The following PDGFC variants were observed in gnomAD, a reference collection of about 807,000 sequenced individuals.
PDGFC encodes platelet derived growth factor C.
Under a neutral mutation model 35.5 loss-of-function variants are expected in PDGFC, and 12 were observed. The observed-to-expected ratio is 0.34, with a 90% confidence interval of 0.22 to 0.55. The LOEUF is 0.55. PDGFC is among the 20% of genes least tolerant of loss of function. The pLI, the probability that PDGFC is intolerant of heterozygous loss-of-function variation, is 0.91. For missense variants in PDGFC, 322 were observed against 412.4 expected (o/e 0.78, Z 1.90); for synonymous variants, 159 against 148.8 (o/e 1.07, Z -0.50).
chr4:156,916,995 G>C (rs1382248663), intron 1 of PDGFC, among the ~76,000 whole-genome samples: 1 of 152,102 alleles, frequency 6.6e-6, no homozygotes, highest in Non-Finnish European at 1.5e-5. Flanking sequence ...GCTGCCCTTA[G>C]CTCAATATCC....
At chr4:156,783,693 T>C in intron 3 of PDGFC, among the ~76,000 whole-genome samples, 1 of 152,176 alleles carries the variant, frequency 6.6e-6, no homozygotes, top group East Asian at 1.9e-4. Context: ...TCCCTCCTAC[T>C]TGCCTCGAAG....
chr4:156,833,060 G>C (rs1169177099), intron 2 of PDGFC, among the ~76,000 whole-genome samples: 1 of 152,172 alleles, frequency 6.6e-6, no homozygotes, highest in African/African-American at 2.4e-5. Flanking sequence ...CATTCAAGTG[G>C]TGAATTTCTG....
intron 1 of PDGFC, among the ~76,000 whole-genome samples, chr4:156,877,584 C>G (rs1301361318): frequency 6.6e-6 from 1 of 151,998 alleles, no homozygotes; most frequent in Non-Finnish European, 1.5e-5. Flanking sequence ...ATATTATATG[C>G]AAAGGATTAT....
At chr4:156,792,268 T>A (rs1360735723) in intron 3 of PDGFC, among the ~76,000 whole-genome samples, 1 of 152,164 alleles carries the variant, frequency 6.6e-6, no homozygotes, top group African/African-American at 2.4e-5. Context: ...AAAATACAGG[T>A]TCCACTGGAG....
chr4:156,823,031 G>A (rs910217119), intron 2 of PDGFC, among the ~76,000 whole-genome samples: 1 of 151,996 alleles, frequency 6.6e-6, no homozygotes, highest in Non-Finnish European at 1.5e-5. Context: ...ACAGCACCCA[G>A]CCCAGAGCTC....
At chr4:156,830,964 AT>A (rs1728917989) in intron 2 of PDGFC, among the ~76,000 whole-genome samples, 1 of 152,112 alleles carries the variant, frequency 6.6e-6, no homozygotes, top group Non-Finnish European at 1.5e-5. Context: ...ACCCATGACT[AT>A]TTAGAATTAT....
intron 1 of PDGFC, among the ~76,000 whole-genome samples, chr4:156,940,775 C>G (rs933105454): frequency 6.6e-6 from 1 of 152,036 alleles, no homozygotes; most frequent in East Asian, 1.9e-4. Flanking sequence ...CTGGGGCTAC[C>G]TACTGTGTGA....
intron 4 of PDGFC, among the ~76,000 whole-genome samples, chr4:156,768,842 C>T (rs1560803380): frequency 2.6e-5 from 4 of 151,920 alleles, no homozygotes. Flanking sequence ...GCAGTAAATC[C>T]TCAAAGAACC....
intron 1 of PDGFC, among the ~76,000 whole-genome samples, chr4:156,946,365 C>A (rs1049247484): frequency 1.3e-5 from 2 of 151,878 alleles, no homozygotes; most frequent in African/African-American, 4.8e-5. Flanking sequence ...AAGCAACCAA[C>A]CCACTTTAAC....
At chr4:156,848,619 T>C (rs1729382023) in intron 2 of PDGFC, among the ~76,000 whole-genome samples, 1 of 152,040 alleles carries the variant, frequency 6.6e-6, no homozygotes, top group Non-Finnish European at 1.5e-5. Flanking sequence ...GAAACATATG[T>C]TAAATCATAA....
intron 1 of PDGFC, among the ~76,000 whole-genome samples, chr4:156,922,196 CTGTG>C (rs146040700): frequency 7.7e-6 from 1 of 130,458 alleles, no homozygotes; most frequent in Non-Finnish European, 1.7e-5. Flanking sequence ...GTGTGTGCAT[CTGTG>C]TGTGTGTGTA....
intron 2 of PDGFC, among the ~76,000 whole-genome samples, chr4:156,838,621 CAA>C (rs1231510638): frequency 1.3e-5 from 2 of 152,120 alleles, no homozygotes; most frequent in Admixed American, 1.3e-4. Context: ...AGAAAAATAC[CAA>C]AAGAGATTTG....
intron 3 of PDGFC, among the ~76,000 whole-genome samples, chr4:156,803,205 AGAG>A (rs1731664700): frequency 6.6e-6 from 1 of 152,148 alleles, no homozygotes; most frequent in African/African-American, 2.4e-5. Context: ...GAGTGTACTG[AGAG>A]GAGATTTACA....
chr4:156,882,574 C>A (rs1308683842), intron 1 of PDGFC, among the ~76,000 whole-genome samples: 1 of 152,134 alleles, frequency 6.6e-6, no homozygotes, highest in African/African-American at 2.4e-5. Context: ...ACATGTATCA[C>A]CCATAACACT....
At position 156,772,790 on chromosome 4, in the gene PDGFC, A is replaced by C; in HGVS notation, c.599T>G (p.Ile200Ser). 1.2e-6 allele frequency: 2 copies of C among 1,613,056 alleles called. No homozygotes were observed. Among genetic ancestry groups the C allele is most frequent in the Non-Finnish European group, 1.7e-6 (2 of 1,179,116 alleles). ...CCATCTCTCTGGTTCAAGATATCGA[A>C]TAAGGTCTTCCAAGGTACTAAAGGC... ...ITAFSTLEDL[I>S]RYLEPERWQL... Residue 200 changes from isoleucine to serine, a missense_variant, in exon 4 of 6, where the codon ATT becomes AGT. Coordinates refer to ENST00000502773, the MANE Select transcript of PDGFC (RefSeq NM_016205.3).
intron 1 of PDGFC, chr4:156,967,516 GA>G (rs1352091979): frequency 6.6e-6 from 1 of 152,106 alleles, no homozygotes; most frequent in African/African-American, 2.4e-5. Flanking sequence ...TAAAGAAAAT[GA>G]GAAAAAAATG....
chr4:156,858,774 C>A (rs1298375382), intron 1 of PDGFC, among the ~76,000 whole-genome samples: 1 of 152,080 alleles, frequency 6.6e-6, no homozygotes, highest in Non-Finnish European at 1.5e-5. Flanking sequence ...TGGTTAACCA[C>A]AAATTCACAT....
At chr4:156,816,337 T>G (rs1442423878) in intron 2 of PDGFC, among the ~76,000 whole-genome samples, 1 of 152,172 alleles carries the variant, frequency 6.6e-6, no homozygotes, top group Non-Finnish European at 1.5e-5. Flanking sequence ...ATTAAGAAGA[T>G]GACAAACATT....
At chr4:156,892,468 ATGGTACCACCATTTC>A (rs1184526403) in intron 1 of PDGFC, among the ~76,000 whole-genome samples, 1 of 151,926 alleles carries the variant, frequency 6.6e-6, no homozygotes, top group Non-Finnish European at 1.5e-5. Context: ...TCATTTCCTG[ATGGTACCACCATTTC>A]TTTTACCACA....
Sources: allele counts gnomAD v4.1 joint callset (sites outside exome capture counted in the v4.1 genomes callset), GRCh38; gene constraint gnomAD v4.1.1; transcripts MANE v1.5; gene names NCBI Gene and HGNC (gene_info 2026-07-23, HGNC 2026-07-21).